The following SIM1 variants were observed in gnomAD, a reference collection of about 807,000 sequenced individuals.
SIM1 encodes single-minded homolog 1.
In SIM1, 18 loss-of-function variants were observed where a neutral mutation model predicts 78.2. The ratio of observed to expected loss-of-function variants is 0.23; its 90% confidence interval spans 0.16 to 0.34. The LOEUF is 0.34. SIM1 is among the 10% of genes least tolerant of loss of function. The probability of loss-of-function intolerance (pLI) is 1.00; values close to 1 mark genes in which losing one functional copy is unlikely to be tolerated. For synonymous variants in SIM1, 417 were observed against 385.2 expected (o/e 1.08, Z -0.97); for missense variants, 939 against 975.1 (o/e 0.96, Z 0.49).
chr6:100,460,254 A>T (rs549263772), intron 2 of SIM1, among the ~76,000 whole-genome samples: 1 of 152,330 alleles, frequency 6.6e-6, no homozygotes, highest in East Asian at 1.9e-4. Flanking sequence ...AGAAAAAAAA[A>T]AGTGTATTCG....
Position 100,390,594 on chromosome 6 carries a change from C to T in SIM1, c.2068G>A (p.Asp690Asn), listed in dbSNP as rs750242939. Residue 690 changes from aspartate to asparagine, a missense_variant, in exon 12 of 12, where the codon GAC becomes AAC. Physicochemically the swap from Asp to Asn is conservative, Grantham distance 23. Around this residue, in one of 5 missense-constraint regions of SIM1, gnomAD observed 556 missense variants for 521.9 expected, o/e 1.07. Coordinates refer to ENST00000369208, the MANE Select transcript of SIM1 (RefSeq NM_005068.3). ...CAGTTTGGAGAGACAGTAGGGTGGTCTCCTGCTGTCTGATGAGGAGATATA... is the reference window on the plus strand; with the variant it reads ...CAGTTTGGAGAGACAGTAGGGTGGTTTCCTGCTGTCTGATGAGGAGATATA... ...SDISPHQTAG[D>N]HPTVSPNCFG... The T allele has an allele frequency of 2.5e-6, 4 of 1,614,014 alleles. No individual in the cohort carries two copies. Among genetic ancestry groups the T allele is most frequent in the Non-Finnish European group, 3.4e-6 (4 of 1,180,032 alleles).
At chr6:100,408,214 AT>A (rs1470978449) in intron 10 of SIM1, among the ~76,000 whole-genome samples, 2 of 151,882 alleles carry the variant, frequency 1.3e-5, no homozygotes, top group African/African-American at 4.8e-5. Flanking sequence ...TCTTTTCCCC[AT>A]TTTGCATTCT....
At chr6:100,447,157 T>G in intron 9 of SIM1, 111 bp downstream of exon 9, 1 of 1,257,116 alleles carries the variant, frequency 8.0e-7, no homozygotes, top group Non-Finnish European at 1.1e-6. Flanking sequence ...AGGGTCAAAA[T>G]GGCATTCCCC....
intron 9 of SIM1, among the ~76,000 whole-genome samples, chr6:100,442,223 G>C (rs1056150456): frequency 6.6e-6 from 1 of 152,056 alleles, no homozygotes; most frequent in African/African-American, 2.4e-5. Flanking sequence ...ACCAAATACA[G>C]ATCCTTTTGA....
At chr6:100,402,040 A>C (rs1021886335) in intron 10 of SIM1, among the ~76,000 whole-genome samples, 1 of 152,194 alleles carries the variant, frequency 6.6e-6, no homozygotes, top group African/African-American at 2.4e-5. Context: ...CATTTGTAGA[A>C]TAGGAACAGA....
chr6:100,453,613 G>A, intron 3 of SIM1, 149 bp downstream of exon 3: 2 of 579,734 alleles, frequency 3.4e-6, no homozygotes, highest in South Asian at 5.6e-5. Context: ...GGCTCTGAGA[G>A]GGCCACGTGC....
At chr6:100,462,251 T>A (rs1772875278) in intron 2 of SIM1, among the ~76,000 whole-genome samples, 1 of 152,230 alleles carries the variant, frequency 6.6e-6, no homozygotes, top group Admixed American at 6.5e-5. Context: ...TAAACACAAT[T>A]CTTTCCCTTG....
At position 100,390,373 on chromosome 6, in the gene SIM1, G is replaced by T; in HGVS notation, c.2289C>A (p.Thr763=). ...TTTCAGCAAAACATCAGCTTCCGTT[G>T]GTTATTATAACAGATGTTCCCTTGT... ...QGHKGTSVII[T]NGS The change falls in exon 12 of 12, where the codon ACC becomes ACA. Residue 763 remains threonine, a synonymous_variant. Transcript: ENST00000369208. 1 of 1,611,830 alleles carries T rather than the reference G, an allele frequency of 6.2e-7. No individual in the cohort carries two copies. Among genetic ancestry groups the T allele is most frequent in the South Asian group, 1.1e-5 (1 of 90,644 alleles).
At chr6:100,399,065 C>T (rs936094924) in intron 10 of SIM1, among the ~76,000 whole-genome samples, 16 of 151,914 alleles carry the variant, frequency 1.1e-4, no homozygotes, top group East Asian at 5.8e-4. Context: ...AGCATCCTTC[C>T]GCAGGCATAT....
chr6:100,439,779 G>C (rs1001464584), intron 9 of SIM1, among the ~76,000 whole-genome samples: 1 of 152,038 alleles, frequency 6.6e-6, no homozygotes, highest in Non-Finnish European at 1.5e-5. Flanking sequence ...TTTTCCCCAA[G>C]AAACTAACCT....
At chr6:100,455,952 G>A (rs565597726) in intron 2 of SIM1, among the ~76,000 whole-genome samples, 102 of 152,308 alleles carry the variant, frequency 6.7e-4, no homozygotes, top group African/African-American at 2.4e-3. Context: ...GGCCTCATTA[G>A]TATGCGCCTA....
At chr6:100,412,717 AAG>A (rs1402935459) in intron 10 of SIM1, among the ~76,000 whole-genome samples, 1 of 137,968 alleles carries the variant, frequency 7.2e-6, no homozygotes, top group African/African-American at 2.9e-5. Flanking sequence ...GAAAGAAAGA[AAG>A]AAAGAAAGAA....
At chr6:100,402,005 C>T (rs1341338987) in intron 10 of SIM1, among the ~76,000 whole-genome samples, 1 of 152,172 alleles carries the variant, frequency 6.6e-6, no homozygotes, top group African/African-American at 2.4e-5. Flanking sequence ...TGCAAAGGAT[C>T]ACTTTTCTTG....
chr6:100,397,318 C>T (rs75391079), intron 10 of SIM1, among the ~76,000 whole-genome samples: 2,901 of 152,218 alleles, frequency 0.019, 47 homozygotes, highest in Non-Finnish European at 0.029. Context: ...CATTAAGAAG[C>T]ACAAATTAAG....
intron 2 of SIM1, among the ~76,000 whole-genome samples, chr6:100,459,420 A>G (rs1002440347): frequency 6.6e-6 from 1 of 152,234 alleles, no homozygotes; most frequent in Non-Finnish European, 1.5e-5. Context: ...AACTGTGCTT[A>G]AAGGCCTTTA....
intron 10 of SIM1, among the ~76,000 whole-genome samples, chr6:100,412,735 G>GAAAGAAAGAAAGA (rs1771279588): frequency 2.1e-5 from 3 of 140,670 alleles, no homozygotes; most frequent in Non-Finnish European, 4.7e-5. Context: ...AAGAAAGAAA[G>GAAAGAAAGAAAGA]AAAGAAAGAA....
At position 100,385,153 on chromosome 6, in the gene SIM1, T is replaced by C. The variant is rs1422587226; in HGVS notation, c.*5208A>G. On this transcript the variant is annotated 3_prime_UTR_variant, in exon 12 of 12. Coordinates refer to ENST00000369208, the MANE Select transcript of SIM1 (RefSeq NM_005068.3). Reference sequence around the variant, plus strand: ...AATGGGAACACTTTGCAAGATATCATTGACATAGCTAATATTTTCTACTTT... The same window carrying C: ...AATGGGAACACTTTGCAAGATATCACTGACATAGCTAATATTTTCTACTTT... 2 of 152,058 alleles carry C rather than the reference T, an allele frequency of 1.3e-5. No individual in the cohort carries two copies. Among genetic ancestry groups the C allele is most frequent in the Non-Finnish European group, 2.9e-5 (2 of 67,950 alleles). 9.4% of individuals were successfully genotyped at this position (152,058 alleles called of 1,614,324 possible).
intron 9 of SIM1, 57 bp downstream of exon 9, chr6:100,447,211 T>C: frequency 6.3e-7 from 1 of 1,575,092 alleles, no homozygotes; most frequent in Non-Finnish European, 8.7e-7. Context: ...CCACCCGCAC[T>C]CTCGCAGAGA....
intron 9 of SIM1, among the ~76,000 whole-genome samples, chr6:100,440,359 C>T (rs948588038): frequency 6.6e-6 from 1 of 152,206 alleles, no homozygotes; most frequent in Non-Finnish European, 1.5e-5. Context: ...CTTTGTTTCA[C>T]AGATTGCTTG....
Sources: gnomAD v4.1 joint callset for allele counts (sites outside exome capture counted in the v4.1 genomes callset) on GRCh38, gnomAD v4.1.1 for gene constraint, gnomAD v4.1.1 regional missense constraint, MANE v1.5 for transcripts, NCBI Gene and HGNC (gene_info 2026-07-23, HGNC 2026-07-21) for gene names.